VAV3: variants seen among roughly 807,000 people sequenced by gnomAD.
The protein encoded by VAV3 is vav guanine nucleotide exchange factor 3, also known as guanine nucleotide exchange factor VAV3.
VAV3 carries 94 observed loss-of-function variants against 131.2 expected under a neutral mutation model. That is an observed-to-expected ratio of 0.72 (90% CI 0.61 to 0.85). The LOEUF is 0.85. Ranked by LOEUF, VAV3 falls within the 40% of genes least tolerant of loss-of-function variation. VAV3 has a pLI of 0.00. For missense variants in VAV3, 939 were observed against 1,002.7 expected (o/e 0.94, Z 0.86); for synonymous variants, 349 against 342.0 (o/e 1.02, Z -0.22).
chr1:107,906,404 C>T (rs1044826899), intron 1 of VAV3, among the ~76,000 whole-genome samples: 10 of 152,306 alleles, frequency 6.6e-5, no homozygotes, highest in African/African-American at 2.4e-4. Context: ...GTGGCTCACG[C>T]CTGTAATCCC....
At chr1:107,862,521 C>T (rs1014065084) in intron 2 of VAV3, among the ~76,000 whole-genome samples, 3 of 151,586 alleles carry the variant, frequency 2.0e-5, no homozygotes, top group African/African-American at 7.2e-5. Flanking sequence ...AGAGTTCTGC[C>T]TCACTGTTGT....
Position 107,867,793 on chromosome 1 carries a change from G to A in VAV3, c.321+7108C>T, listed in dbSNP as rs548392362. Reference sequence around the variant, plus strand: ...TTGTGGGAAAATTCCAGACCCTTGAGGGAGGAAAAATACTCAGGATCCCAA... The same window carrying A: ...TTGTGGGAAAATTCCAGACCCTTGAAGGAGGAAAAATACTCAGGATCCCAA... On this transcript the variant is annotated intron_variant, in intron 2 of 26. Coordinates refer to ENST00000370056, the MANE Select transcript of VAV3 (RefSeq NM_006113.5). 5.3e-5 allele frequency among the ~76,000 whole-genome samples: 8 copies of A among 152,272 alleles called. No homozygotes were observed. The East Asian group carries it at 1.5e-3, about 29-fold the overall frequency.
At chr1:107,576,620 T>C (rs376222631) in intron 25 of VAV3, 11 of 696,990 alleles carry the variant, frequency 1.6e-5, no homozygotes, top group South Asian at 4.6e-5. Context: ...TGATAGACAA[T>C]AGTATTTTGC....
chr1:107,937,147 G>A (rs1673762283), intron 1 of VAV3, among the ~76,000 whole-genome samples: 1 of 152,046 alleles, frequency 6.6e-6, no homozygotes, highest in Non-Finnish European at 1.5e-5. Flanking sequence ...AACAAATAAT[G>A]CACATGTGAC....
intron 2 of VAV3, among the ~76,000 whole-genome samples, chr1:107,861,217 T>C (rs1669723437): frequency 6.6e-6 from 1 of 151,690 alleles, no homozygotes; most frequent in Non-Finnish European, 1.5e-5. Context: ...GTCTATGTAT[T>C]TGGAGAATCT....
intron 11 of VAV3, among the ~76,000 whole-genome samples, chr1:107,756,378 T>G (rs1439303623): frequency 6.6e-6 from 1 of 152,164 alleles, no homozygotes; most frequent in Non-Finnish European, 1.5e-5. Context: ...AGTCTGACTT[T>G]TCATAGGATA....
At chr1:107,837,064 A>T (rs1366953622) in intron 2 of VAV3, among the ~76,000 whole-genome samples, 1 of 152,082 alleles carries the variant, frequency 6.6e-6, no homozygotes, top group Non-Finnish European at 1.5e-5. Flanking sequence ...CAAAGCCAGC[A>T]TCATCCTAAT....
At chr1:107,816,772 A>G (rs1667576603) in intron 2 of VAV3, among the ~76,000 whole-genome samples, 1 of 152,256 alleles carries the variant, frequency 6.6e-6, no homozygotes, top group Non-Finnish European at 1.5e-5. Flanking sequence ...GAGCTAAAAG[A>G]AATCTATAAT....
At chr1:107,881,488 A>G (rs900886762) in intron 1 of VAV3, among the ~76,000 whole-genome samples, 5 of 152,180 alleles carry the variant, frequency 3.3e-5, no homozygotes, top group Non-Finnish European at 7.3e-5. Flanking sequence ...TTCACATATA[A>G]AAACTCCCAG....
Position 107,609,977 on chromosome 1 carries a change from A to G in VAV3, c.1981-12T>C. 6.2e-7 allele frequency: 1 copy of G among 1,613,390 alleles called. No individual in the cohort carries two copies. Among genetic ancestry groups the G allele is most frequent in the Non-Finnish European group, 8.5e-7 (1 of 1,179,474 alleles). On this transcript the variant is annotated splice_polypyrimidine_tract_variant and intron_variant, in intron 21 of 26. Transcript: ENST00000370056. Reference sequence around the variant, plus strand: ...ACTGGTTTGGGCACCTAGGATATAAAAAAGCAAAAACAGATTAAGTTTACA... The same window carrying G: ...ACTGGTTTGGGCACCTAGGATATAAGAAAGCAAAAACAGATTAAGTTTACA...
Position 107,862,409 on chromosome 1 carries a change from T to A in VAV3, c.321+12492A>T, listed in dbSNP as rs997566907. 2.6e-5 allele frequency among the ~76,000 whole-genome samples: 4 copies of A among 151,220 alleles called. No homozygotes were observed. In the East Asian group the frequency reaches 7.8e-4, roughly 29 times the overall value. ...TATTCCTACAGATGTGCATAAGCCA[T>A]TAAAAAAAAGAAGACACAGAAAATA... On this transcript the variant is annotated intron_variant, in intron 2 of 26. Coordinates refer to ENST00000370056, the MANE Select transcript of VAV3 (RefSeq NM_006113.5).
chr1:107,692,508 T>C (rs1401208874), intron 17 of VAV3, among the ~76,000 whole-genome samples: 2 of 152,188 alleles, frequency 1.3e-5, no homozygotes, highest in Non-Finnish European at 1.5e-5. Context: ...CAATGGTCAA[T>C]CTTCAGCTCA....
chr1:107,836,243 A>C (rs1294216265), intron 2 of VAV3, among the ~76,000 whole-genome samples: 1 of 152,204 alleles, frequency 6.6e-6, no homozygotes, highest in Non-Finnish European at 1.5e-5. Context: ...TCTCATCTAC[A>C]CACAAAACAT....
chr1:107,779,053 AT>A (rs1665533699), intron 3 of VAV3, among the ~76,000 whole-genome samples: 1 of 152,156 alleles, frequency 6.6e-6, no homozygotes, highest in African/African-American at 2.4e-5. Context: ...GCTATGAGTT[AT>A]TATGATCTAC....
At chr1:107,940,885 G>C (rs1673951680) in intron 1 of VAV3, among the ~76,000 whole-genome samples, 1 of 152,074 alleles carries the variant, frequency 6.6e-6, no homozygotes, top group African/African-American at 2.4e-5. Flanking sequence ...TCTGGAGATG[G>C]ATGGTGGTGA....
chr1:107,593,993 C>T (rs544594743), intron 25 of VAV3, among the ~76,000 whole-genome samples: 2 of 152,140 alleles, frequency 1.3e-5, no homozygotes, highest in East Asian at 3.9e-4. Flanking sequence ...TCCTCAGAAC[C>T]ATCTTAGTCT....
intron 1 of VAV3, among the ~76,000 whole-genome samples, chr1:107,878,244 A>C (rs996107564): frequency 6.6e-6 from 1 of 152,186 alleles, no homozygotes; most frequent in Non-Finnish European, 1.5e-5. Context: ...ACTCCCAGGA[A>C]TAAGGACATT....
intron 1 of VAV3, among the ~76,000 whole-genome samples, chr1:107,903,717 C>G (rs547662874): frequency 6.6e-6 from 1 of 152,146 alleles, no homozygotes; most frequent in African/African-American, 2.4e-5. Flanking sequence ...ACTCCATCTA[C>G]CAGAAATTCC....
At chr1:107,602,172 A>G (rs6679340) in intron 24 of VAV3, among the ~76,000 whole-genome samples, 20,802 of 152,158 alleles carry the variant, frequency 0.14, 1,513 homozygotes, top group Non-Finnish European at 0.16. Context: ...CCAAAACTCT[A>G]TCTAAACCTG....
Sources: gnomAD v4.1 joint callset for allele counts (sites outside exome capture counted in the v4.1 genomes callset) on GRCh38, gnomAD v4.1.1 for gene constraint, MANE v1.5 for transcripts, NCBI Gene and HGNC (gene_info 2026-07-23, HGNC 2026-07-21) for gene names.